ADAMTS17: variants seen among roughly 807,000 people sequenced by gnomAD.
ADAMTS17 encodes the protein A disintegrin and metalloproteinase with thrombospondin motifs 17.
In ADAMTS17, 113 loss-of-function variants were observed where a neutral mutation model predicts 141.5. The ratio of observed to expected loss-of-function variants is 0.80; its 90% CI spans 0.69 to 0.93. The LOEUF (loss-of-function observed/expected upper bound fraction) is 0.93, where lower values mean the gene tolerates loss of function less well. Among genes scored for constraint, ADAMTS17 ranks in the 40% least tolerant of loss-of-function variants. ADAMTS17 has a pLI of 0.00. For missense variants in ADAMTS17, 1,659 were observed against 1,517.9 expected (o/e 1.09, Z -1.54); for synonymous variants, 768 against 630.6 (o/e 1.22, Z -3.27).
rs750733743 is a variant in ADAMTS17, at chr15:99,997,400, C to T, written c.2781G>A (p.Ala927=). 76 of 1,613,634 alleles carry T rather than the reference C, an allele frequency of 4.7e-5. No homozygotes were observed. Among genetic ancestry groups the T allele is most frequent in the South Asian group, 8.8e-5 (8 of 91,086 alleles). ...EGQDCLSIWE[A]SEWSQCSASC... ...AGGCACCCACCTGTGACCACTCAGA[C>T]GCCTCCCAGATGGACAGGCAGTCCT... is the stretch of plus-strand genomic sequence containing the variant. Residue 927 remains alanine, a synonymous_variant, in exon 19 of 22, where the codon GCG becomes GCA. Transcript: ENST00000268070. This position sits in a 1 kb window ranked among gnomAD's most constrained non-coding sequence, Gnocchi z 4.7.
intron 14 of ADAMTS17, among the ~76,000 whole-genome samples, chr15:100,102,677 G>A (rs1596438457): frequency 6.6e-6 from 1 of 152,200 alleles, no homozygotes; most frequent in Non-Finnish European, 1.5e-5. Flanking sequence ...TTCGTAACTA[G>A]TGCGAGGGAA....
chr15:100,207,249 G>A (rs551839668), intron 7 of ADAMTS17, among the ~76,000 whole-genome samples: 4 of 152,314 alleles, frequency 2.6e-5, no homozygotes, highest in Non-Finnish European at 4.4e-5. Flanking sequence ...GAGGGCAGGT[G>A]AGGACACAGT....
intron 18 of ADAMTS17, among the ~76,000 whole-genome samples, chr15:100,020,458 G>A (rs1056086406): frequency 2.0e-5 from 3 of 152,098 alleles, no homozygotes; most frequent in Non-Finnish European, 4.4e-5. Flanking sequence ...GCAGCTTTAC[G>A]AGCAAGGGAA....
chr15:100,227,153 G>A (rs953023278), intron 7 of ADAMTS17, among the ~76,000 whole-genome samples: 3 of 152,106 alleles, frequency 2.0e-5, no homozygotes, highest in East Asian at 1.9e-4. Context: ...GCCAGATCTC[G>A]CTGTTCAAAT....
intron 7 of ADAMTS17, among the ~76,000 whole-genome samples, chr15:100,247,594 G>A (rs1336821453): frequency 2.6e-5 from 4 of 152,114 alleles, no homozygotes; most frequent in Admixed American, 6.5e-5. Context: ...ACAGTCAGAC[G>A]GGCCCGTTTT....
intron 13 of ADAMTS17, among the ~76,000 whole-genome samples, chr15:100,115,873 G>A (rs1335500564): frequency 2.0e-5 from 3 of 152,142 alleles, no homozygotes; most frequent in East Asian, 1.9e-4. Flanking sequence ...TGGCAGCCAG[G>A]CAATAGCTGC....
chr15:100,268,361 C>CT (rs1236221611), intron 4 of ADAMTS17, among the ~76,000 whole-genome samples: 1 of 152,208 alleles, frequency 6.6e-6, no homozygotes, highest in Non-Finnish European at 1.5e-5. Context: ...CTTGAGTTCT[C>CT]TGAGAAATCT....
chr15:100,002,861 A>G (rs549238877), intron 18 of ADAMTS17, among the ~76,000 whole-genome samples: 1 of 151,824 alleles, frequency 6.6e-6, no homozygotes, highest in Admixed American at 6.5e-5. Flanking sequence ...TTTCCCGCGG[A>G]GTTCTTACAA....
At chr15:100,061,873 G>A (rs2033147881) in intron 15 of ADAMTS17, among the ~76,000 whole-genome samples, 1 of 152,238 alleles carries the variant, frequency 6.6e-6, no homozygotes, top group Non-Finnish European at 1.5e-5. Context: ...ATCCCACGGA[G>A]GGCCTCCAGT....
At chr15:100,155,075 A>T (rs994616378) in intron 9 of ADAMTS17, 105 bp downstream of exon 9, 1 of 1,568,210 alleles carries the variant, frequency 6.4e-7, no homozygotes, top group Non-Finnish European at 8.7e-7. Flanking sequence ...GCAAATCCCA[A>T]AAGAGAGTCA....
chr15:100,013,870 T>G (rs968436228), intron 18 of ADAMTS17, among the ~76,000 whole-genome samples: 20 of 152,176 alleles, frequency 1.3e-4, no homozygotes, highest in African/African-American at 4.8e-4. Flanking sequence ...CCTTTCCTGG[T>G]TTTGGCATTA....
chr15:100,224,828 A>G (rs1480737120), intron 7 of ADAMTS17, among the ~76,000 whole-genome samples: 2 of 152,196 alleles, frequency 1.3e-5, no homozygotes, highest in East Asian at 1.9e-4. Context: ...CAACAGTCCT[A>G]CTCTTTGTCA....
chr15:100,027,830 C>T (rs1397251113), intron 18 of ADAMTS17, among the ~76,000 whole-genome samples: 1 of 152,240 alleles, frequency 6.6e-6, no homozygotes, highest in Non-Finnish European at 1.5e-5. Flanking sequence ...TCTGTGAGGA[C>T]ATCATGCAGA....
intron 6 of ADAMTS17, chr15:100,256,706 T>C (rs941458616): frequency 6.5e-6 from 1 of 152,680 alleles, no homozygotes; most frequent in African/African-American, 2.4e-5. Flanking sequence ...CAGCTGTGTC[T>C]GCTATGGTGT....
At chr15:100,231,539 T>G (rs917899983) in intron 7 of ADAMTS17, among the ~76,000 whole-genome samples, 1 of 152,208 alleles carries the variant, frequency 6.6e-6, no homozygotes, top group East Asian at 1.9e-4. Context: ...ATCTGTTTCC[T>G]TCTCCACTGA....
In ADAMTS17 at chr15:100,251,366, C is replaced by G. The variant is rs72755291; in HGVS notation, c.1075+2770G>C. On this transcript the variant is annotated intron_variant, in intron 7 of 21. Transcript: ENST00000268070. Reference sequence around the variant, plus strand: ...TGCTATGGATTGACTTGTGTCCCCACAAAATTCTTATGTAGAAACCCTAAC... The same window carrying G: ...TGCTATGGATTGACTTGTGTCCCCAGAAAATTCTTATGTAGAAACCCTAAC... 9.2e-3 allele frequency among the ~76,000 whole-genome samples: 1,394 copies of G among 152,330 alleles called. 11 individuals carry two copies. The highest frequency in any genetic ancestry group is 0.015 in the Non-Finnish European group (1,009 of 68,030).
chr15:100,114,037 TAA>T (rs1457625752), intron 13 of ADAMTS17, among the ~76,000 whole-genome samples: 6 of 152,248 alleles, frequency 3.9e-5, no homozygotes, highest in Non-Finnish European at 8.8e-5. Context: ...GGTTTCTGTC[TAA>T]AGGCTTTTCC....
intron 20 of ADAMTS17, among the ~76,000 whole-genome samples, chr15:99,981,296 A>G (rs969517584): frequency 6.6e-6 from 1 of 152,202 alleles, no homozygotes; most frequent in Non-Finnish European, 1.5e-5. Context: ...GGGTGTCTCC[A>G]AAGTCCTTCA....
intron 18 of ADAMTS17, among the ~76,000 whole-genome samples, chr15:100,017,918 T>C (rs1309419985): frequency 6.6e-6 from 1 of 152,230 alleles, no homozygotes; most frequent in Non-Finnish European, 1.5e-5. Context: ...AAAATATACA[T>C]AATGAAATTT....
Sources: gnomAD v4.1 joint callset for allele counts (sites outside exome capture counted in the v4.1 genomes callset) on GRCh38, gnomAD v4.1.1 for gene constraint, Gnocchi (gnomAD v3.1) non-coding constraint, MANE v1.5 for transcripts, NCBI Gene and HGNC (gene_info 2026-07-23, HGNC 2026-07-21) for gene names.